The following TSEN15 variants were observed in gnomAD, a reference collection of about 807,000 sequenced individuals.
TSEN15 encodes tRNA-splicing endonuclease subunit Sen15.
TSEN15 carries 10 observed loss-of-function variants against 20.5 expected under a neutral mutation model. The observed-to-expected ratio is 0.49, with a 90% CI of 0.30 to 0.83. The LOEUF (loss-of-function observed/expected upper bound fraction) is 0.83. Ranked by LOEUF, TSEN15 falls within the 40% of genes least tolerant of loss-of-function variation. TSEN15 has a pLI of 0.06. For synonymous variants in TSEN15, 72 were observed against 80.1 expected (o/e 0.90, Z 0.54); for missense variants, 180 against 218.6 (o/e 0.82, Z 1.11).
At chr1:184,072,782 A>G in intron 4 of TSEN15, 45 bp from the exon 5 acceptor site, 1 of 1,563,340 alleles carries the variant, frequency 6.4e-7, no homozygotes, top group Non-Finnish European at 8.7e-7. Flanking sequence ...TTTGGATTAC[A>G]TTGTTTATCG....
intron 3 of TSEN15, among the ~76,000 whole-genome samples, chr1:184,082,843 T>C (rs1651195047): frequency 6.6e-6 from 1 of 152,166 alleles, no homozygotes; most frequent in Non-Finnish European, 1.5e-5. Flanking sequence ...CTCTTTTTGT[T>C]CTGTAGCATA....
downstream of TSEN15, among the ~76,000 whole-genome samples, chr1:184,074,477 T>C (rs1651018966): frequency 6.6e-6 from 1 of 152,174 alleles, no homozygotes; most frequent in South Asian, 2.1e-4. Context: ...TCAATGCTTA[T>C]ATGCCATTGG....
intron 3 of TSEN15, among the ~76,000 whole-genome samples, chr1:184,062,026 G>A (rs1650474828): frequency 6.6e-6 from 1 of 152,066 alleles, no homozygotes; most frequent in Non-Finnish European, 1.5e-5. Flanking sequence ...GTGTGTAATA[G>A]TCCTTATGAA....
At chr1:184,079,035 C>T (rs1300216920), downstream of TSEN15, among the ~76,000 whole-genome samples, 1 of 152,126 alleles carries the variant, frequency 6.6e-6, no homozygotes, top group Non-Finnish European at 1.5e-5. Context: ...TGAGTGTTTA[C>T]ATGTGCAGAA....
chr1:184,088,844 G>C (rs1651310135), intron 3 of TSEN15, among the ~76,000 whole-genome samples: 1 of 152,164 alleles, frequency 6.6e-6, no homozygotes, highest in Non-Finnish European at 1.5e-5. Flanking sequence ...ACCTATGTGA[G>C]ATATTGAGAC....
At chr1:184,058,880 T>C (rs1650342649) in intron 3 of TSEN15, among the ~76,000 whole-genome samples, 1 of 152,198 alleles carries the variant, frequency 6.6e-6, no homozygotes, top group African/African-American at 2.4e-5. Flanking sequence ...TCAGATAATA[T>C]TGCTTGGGCT....
rs148605339 is a variant in TSEN15 at position 184,054,962 on chromosome 1, G to A, written c.353+99G>A. 1.5e-3 allele frequency: 2,018 copies of A among 1,355,070 alleles called. 12 individuals are homozygous for A. The highest frequency in any genetic ancestry group is 7.3e-3 in the African/African-American group (497 of 68,472). The allele number at this position is 1,355,070 out of a possible 1,614,324, so 83.9% of individuals were successfully genotyped here. On this transcript the variant is annotated intron_variant, in intron 3 of 4. Coordinates refer to ENST00000645668, the MANE Select transcript of TSEN15 (RefSeq NM_052965.4). ...ACTTTTAATGAAATTTGGGATACAG[G>A]GTTCATAGCTTTACTCTTGGCTATT...
intron 3 of TSEN15, chr1:184,070,600 ATT>A: frequency 8.8e-7 from 1 of 1,141,024 alleles, no homozygotes; most frequent in Non-Finnish European, 1.2e-6. Flanking sequence ...ATCTTTTTCT[ATT>A]ATTATTAATT....
intron 3 of TSEN15, among the ~76,000 whole-genome samples, chr1:184,065,913 G>T (rs1650637945): frequency 6.6e-6 from 1 of 152,042 alleles, no homozygotes; most frequent in Non-Finnish European, 1.5e-5. Flanking sequence ...TATCAGATAT[G>T]TGTTTTACAA....
At chr1:184,069,394 T>C (rs1218265174) in intron 3 of TSEN15, among the ~76,000 whole-genome samples, 1 of 152,182 alleles carries the variant, frequency 6.6e-6, no homozygotes, top group Non-Finnish European at 1.5e-5. Context: ...TAAAGAATTT[T>C]ATCGTTTATT....
rs181283720 is a variant in TSEN15, at chr1:184,069,731, T to C, written c.354-2426T>C. 2.8e-3 allele frequency among the ~76,000 whole-genome samples: 429 copies of C among 152,150 alleles called. 3 individuals carry two copies. Among genetic ancestry groups the C allele is most frequent in the African/African-American group, 9.9e-3 (410 of 41,534 alleles). On this transcript the variant is annotated intron_variant, in intron 3 of 4. Coordinates refer to ENST00000645668, the MANE Select transcript of TSEN15 (RefSeq NM_052965.4). ...TAAGATTTTATGCAGTATCCTATAA[T>C]GGAAACAAACAAGAAAGGTCTTGTT...
At chr1:184,095,767 G>C in exon 4 of TSEN15, 1 of 398,516 alleles carries the variant, frequency 2.5e-6, no homozygotes, top group Non-Finnish European at 4.4e-6. Flanking sequence ...GGCCTCATCA[G>C]AGATGGAATG....
chr1:184,061,835 T>C lies in TSEN15; in HGVS notation c.353+6972T>C, dbSNP rs569778282. On this transcript the variant is annotated intron_variant, in intron 3 of 4. Coordinates refer to ENST00000645668, the MANE Select transcript of TSEN15 (RefSeq NM_052965.4). ...ACCTGGTGGTTTTGTTTACATACTT[T>C]CTGGCAAGAGTGTCGACAGATTCCA... 2.6e-5 allele frequency among the ~76,000 whole-genome samples: 4 copies of C among 152,302 alleles called. No individual in the cohort carries two copies. The South Asian group carries it at 6.2e-4, about 24-fold the overall frequency.
chr1:184,072,265 A>G lies in TSEN15; in HGVS notation c.462A>G (p.Lys154=). The G allele has an allele frequency of 6.2e-7, 1 of 1,612,928 alleles. No individual in the cohort carries two copies. Among genetic ancestry groups the G allele is most frequent in the Non-Finnish European group, 8.5e-7 (1 of 1,179,462 alleles). ...CTGATTCTACAATAGTCTATTATAA[A>G]CTTACTGATGGATTTATGCTGCCAG... The part of the protein sequence containing the change: ...VESDSTIVYY[K]LTDGFMLPDP... Residue 154 remains lysine (K), a synonymous_variant, in exon 4 of 5, where the codon AAA becomes AAG. Transcript: ENST00000645668.
intron 3 of TSEN15, among the ~76,000 whole-genome samples, chr1:184,082,528 G>A (rs538633533): frequency 2.0e-5 from 3 of 152,092 alleles, no homozygotes; most frequent in Non-Finnish European, 2.9e-5. Context: ...GTAGGAGTGG[G>A]TGCTGGCCAT....
intron 2 of TSEN15, 126 bp from the exon 3 acceptor site, chr1:184,054,602 A>G: frequency 1.6e-6 from 2 of 1,265,620 alleles, no homozygotes; most frequent in Non-Finnish European, 2.2e-6. Flanking sequence ...AGAAGCTACT[A>G]GAAAAGCAAA....
chr1:184,067,973 T>TATATATAC (rs1341767592), intron 3 of TSEN15, among the ~76,000 whole-genome samples: 2 of 138,104 alleles, frequency 1.4e-5, no homozygotes, highest in African/African-American at 5.3e-5. Flanking sequence ...TATATATATG[T>TATATATAC]ACATATGTAT....
At chr1:184,076,282 C>A (rs377261685), downstream of TSEN15, among the ~76,000 whole-genome samples, 6 of 151,990 alleles carry the variant, frequency 3.9e-5, no homozygotes, top group East Asian at 1.2e-3. Flanking sequence ...ATTATTATAT[C>A]TGATATGGTG....
At chr1:184,059,284 G>T (rs1650359231) in intron 3 of TSEN15, among the ~76,000 whole-genome samples, 1 of 152,130 alleles carries the variant, frequency 6.6e-6, no homozygotes, top group Non-Finnish European at 1.5e-5. Flanking sequence ...TAGGGTAACT[G>T]CAAGTAATTA....
Sources: gnomAD v4.1 joint callset for allele counts (sites outside exome capture counted in the v4.1 genomes callset) on GRCh38, gnomAD v4.1.1 for gene constraint, MANE v1.5 for transcripts, NCBI Gene and HGNC (gene_info 2026-07-23, HGNC 2026-07-21) for gene names.